KMT2C: variants seen among roughly 807,000 people sequenced by gnomAD.
KMT2C encodes the protein lysine methyltransferase 2C, also known as histone-lysine N-methyltransferase 2C.
Under a neutral mutation model 507.9 loss-of-function variants are expected in KMT2C, and 88 were observed. That is an observed-to-expected ratio of 0.17 (90% CI 0.15 to 0.21). KMT2C has a LOEUF of 0.21. KMT2C is among the 10% of genes least tolerant of loss of function. The probability of loss-of-function intolerance (pLI) is 1.00; values close to 1 mark genes in which losing one functional copy is unlikely to be tolerated. For missense variants in KMT2C, 4,954 were observed against 5,957.8 expected (o/e 0.83, Z 5.55); for synonymous variants, 2,049 against 2,080.8 (o/e 0.98, Z 0.42).
intron 6 of KMT2C, among the ~76,000 whole-genome samples, chr7:152,305,295 T>C (rs2096606033): frequency 6.6e-6 from 1 of 152,166 alleles, no homozygotes; most frequent in African/African-American, 2.4e-5. Context: ...TGGGAAGGCA[T>C]TTGAAATCTT....
At chr7:152,327,465 A>C (rs541879841) in intron 3 of KMT2C, among the ~76,000 whole-genome samples, 1 of 152,310 alleles carries the variant, frequency 6.6e-6, no homozygotes, top group African/African-American at 2.4e-5. Flanking sequence ...GGCACAGAAT[A>C]CTTTCAGAAG....
intron 52 of KMT2C, among the ~76,000 whole-genome samples, chr7:152,147,597 C>T (rs1311850569): frequency 6.6e-6 from 1 of 151,258 alleles, no homozygotes; most frequent in African/African-American, 2.4e-5. Context: ...ATCCCAGCTA[C>T]TCGGGAGGCT....
In KMT2C at chr7:152,158,908, T is replaced by C. The variant is rs2092276785; in HGVS notation, c.11625A>G (p.Lys3875=). 2 of 1,614,104 alleles carry C rather than the reference T, an allele frequency of 1.2e-6. No homozygotes were observed. The highest frequency in any genetic ancestry group is 1.7e-6 in the Non-Finnish European group (2 of 1,180,040). ...SKKRKKDEEE[K]QAMYSSTDTF... is the part of the protein sequence containing the mutation. Reference sequence around the variant, plus strand: ...TGTCAGTGCTAGAGTACATAGCTTGTTTCTCCTCTTCGTCCTTTTTCCTTT... The same window carrying C: ...TGTCAGTGCTAGAGTACATAGCTTGCTTCTCCTCTTCGTCCTTTTTCCTTT... Residue 3875 remains lysine (K), a synonymous_variant, in exon 44 of 59, where the codon AAA becomes AAG. Coordinates refer to ENST00000262189, the MANE Select transcript of KMT2C (RefSeq NM_170606.3).
intron 24 of KMT2C, among the ~76,000 whole-genome samples, chr7:152,206,422 C>T (rs2094310407): frequency 1.3e-5 from 2 of 151,978 alleles, no homozygotes; most frequent in South Asian, 2.1e-4. Context: ...AATCTTAGGT[C>T]CTTATTATAG....
chr7:152,138,753 A>G lies in KMT2C; in HGVS notation c.14643+43T>C. 8.2e-7 allele frequency: 1 copy of G among 1,214,294 alleles called. No homozygotes were observed. The highest frequency in any genetic ancestry group is 1.2e-6 in the Non-Finnish European group (1 of 848,064). 75.2% of individuals were successfully genotyped at this position (1,214,294 alleles called of 1,614,324 possible). On this transcript the variant is annotated intron_variant, in intron 58 of 58. Coordinates refer to ENST00000262189, the MANE Select transcript of KMT2C (RefSeq NM_170606.3). This position sits in a 1 kb window ranked among gnomAD's most constrained non-coding sequence, Gnocchi z 4.2. ...TGTGTGAGGAGGGAACTATTCGCCC[A>G]GGATCTGAACAACATGGCAGATGCA...
rs1292773003 is a variant in KMT2C, at chr7:152,196,027, A to T, written c.4274-16T>A. 6.8e-7 allele frequency: 1 copy of T among 1,478,300 alleles called. No homozygotes were observed. 91.6% of individuals were successfully genotyped at this position (1,478,300 alleles called of 1,614,324 possible). On this transcript the variant is annotated splice_polypyrimidine_tract_variant and intron_variant, in intron 27 of 58. Coordinates refer to ENST00000262189, the MANE Select transcript of KMT2C (RefSeq NM_170606.3). ...TCAGCAGGACCTAAATATAGTAAATATGTTTTTTAAAATTTCAGTATTTTC... is the reference window on the plus strand; with the variant it reads ...TCAGCAGGACCTAAATATAGTAAATTTGTTTTTTAAAATTTCAGTATTTTC...
chr7:152,227,895 T>C (rs1251916643), intron 18 of KMT2C, among the ~76,000 whole-genome samples: 5 of 152,150 alleles, frequency 3.3e-5, no homozygotes, highest in Admixed American at 2.0e-4. Context: ...ACAAAGACAC[T>C]GGTGAACAGG....
intron 34 of KMT2C, among the ~76,000 whole-genome samples, chr7:152,185,287 A>G (rs1390013405): frequency 1.3e-5 from 2 of 152,204 alleles, no homozygotes; most frequent in African/African-American, 4.8e-5. Flanking sequence ...GAGATAAAAC[A>G]ATTTTAAAGT....
intron 1 of KMT2C, among the ~76,000 whole-genome samples, chr7:152,406,933 G>GAGAAGACATTGAAGGGGACTGCTGT (rs377681561): frequency 1.3e-5 from 2 of 151,034 alleles, no homozygotes; most frequent in African/African-American, 4.9e-5. Flanking sequence ...TCTTGGGAAG[G>GAGAAGACATTGAAGGGGACTGCTGT]AGTATTAAGG....
rs2096772116 is a variant in KMT2C, at chr7:152,321,408, G to C, written c.390-6070C>G. Among the ~76,000 whole-genome samples, 3 of 151,494 alleles carry C rather than the reference G, an allele frequency of 2.0e-5. No homozygotes were observed. The South Asian group carries it at 6.3e-4, about 32-fold the overall frequency. ...ATATAAAAATTTCAATATATTACTGGAAGTCCTAGGCAGAGCAATATGGTC... is the reference window on the plus strand; with the variant it reads ...ATATAAAAATTTCAATATATTACTGCAAGTCCTAGGCAGAGCAATATGGTC... On this transcript the variant is annotated intron_variant, in intron 3 of 58. Transcript: ENST00000262189.
intron 38 of KMT2C, 60 bp from the exon 39 acceptor site, chr7:152,174,302 G>T: frequency 1.3e-6 from 1 of 798,002 alleles, no homozygotes; most frequent in Non-Finnish European, 2.1e-6. Flanking sequence ...ACACTAAGAA[G>T]TAATTCAAAT....
chr7:152,406,840 G>GGGT (rs374326275), intron 1 of KMT2C, among the ~76,000 whole-genome samples: 1 of 116,646 alleles, frequency 8.6e-6, no homozygotes, highest in African/African-American at 3.5e-5. Context: ...TTATTTTTTG[G>GGGT]TTTTTTTTTT....
intron 1 of KMT2C, among the ~76,000 whole-genome samples, chr7:152,399,892 A>G (rs2097561260): frequency 6.6e-6 from 1 of 152,118 alleles, no homozygotes; most frequent in African/African-American, 2.4e-5. Context: ...CCAAGAATAA[A>G]TAAAGTAGAA....
At chr7:152,218,903 T>G (rs948623476) in intron 23 of KMT2C, among the ~76,000 whole-genome samples, 5 of 152,284 alleles carry the variant, frequency 3.3e-5, no homozygotes, top group African/African-American at 1.2e-4. Flanking sequence ...CACTCACCTC[T>G]TTAAAATCTG....
chr7:152,395,895 G>A (rs566547843), intron 1 of KMT2C, among the ~76,000 whole-genome samples: 1 of 152,144 alleles, frequency 6.6e-6, no homozygotes, highest in Non-Finnish European at 1.5e-5. Context: ...CCCACTCTTA[G>A]CCAATTATAT....
intron 52 of KMT2C, 49 bp from the exon 53 acceptor site, chr7:152,146,784 A>T (rs1450672387): frequency 6.5e-7 from 1 of 1,530,122 alleles, no homozygotes; most frequent in Non-Finnish European, 9.0e-7. Context: ...GATACAGTAT[A>T]AAAAACAAGA....
In KMT2C at chr7:152,184,021, G is replaced by A. The variant is rs549812331; in HGVS notation, c.5083-865C>T. Among the ~76,000 whole-genome samples, 334 of 139,250 alleles carry A rather than the reference G, an allele frequency of 2.4e-3. 4 individuals are homozygous for A. Among genetic ancestry groups the A allele is most frequent in the Middle Eastern group, 0.013 (3 of 226 alleles). The allele number at this position is 139,250 out of a possible 152,430, so 91.4% of individuals were successfully genotyped here. On this transcript the variant is annotated intron_variant, in intron 34 of 58. Coordinates refer to ENST00000262189, the MANE Select transcript of KMT2C (RefSeq NM_170606.3). ...TGGAAGGCAGAGGTTGCAGTGAGCC[G>A]AGATCGCACCATTGCACTCCAGCCT... is the stretch of plus-strand genomic sequence containing the variant.
At chr7:152,258,543 GAGAC>G (rs2095702132) in intron 9 of KMT2C, among the ~76,000 whole-genome samples, 1 of 151,948 alleles carries the variant, frequency 6.6e-6, no homozygotes, top group African/African-American at 2.4e-5. Context: ...TGTTGTTTTT[GAGAC>G]AGAGTCTATC....
At position 152,312,052 on chromosome 7, in the gene KMT2C, C is replaced by A. The variant is rs547360688; in HGVS notation, c.591-106G>T. 4 of 815,296 alleles carry A rather than the reference C, an allele frequency of 4.9e-6. No individual in the cohort carries two copies. In the South Asian group the frequency reaches 1.0e-4, roughly 21 times the overall value. 50.5% of individuals were successfully genotyped at this position (815,296 alleles called of 1,614,324 possible). ...TGCCAAATCAATTTTAATTTATCAGCCATTAACTGTCATAAAACAACTTTT... is the reference window on the plus strand; with the variant it reads ...TGCCAAATCAATTTTAATTTATCAGACATTAACTGTCATAAAACAACTTTT... On this transcript the variant is annotated intron_variant, in intron 4 of 58. Transcript: ENST00000262189.
Sources: gnomAD v4.1 joint callset for allele counts (sites outside exome capture counted in the v4.1 genomes callset) on GRCh38, gnomAD v4.1.1 for gene constraint, Gnocchi (gnomAD v3.1) non-coding constraint, MANE v1.5 for transcripts, NCBI Gene and HGNC (gene_info 2026-07-23, HGNC 2026-07-21) for gene names.